The following CDCP2 variants were observed in gnomAD, a reference collection of about 807,000 sequenced individuals.
The protein encoded by CDCP2 is CUB domain-containing protein 2.
In CDCP2, 31 loss-of-function variants were observed where a neutral mutation model predicts 31.0. The observed-to-expected ratio is 1.00, with a 90% CI of 0.75 to 1.35. CDCP2 has a LOEUF of 1.35. Ranked by LOEUF, CDCP2 falls within the 40% of genes most tolerant of loss-of-function variation. The probability of loss-of-function intolerance (pLI) is 0.00; values close to 1 mark genes in which losing one functional copy is unlikely to be tolerated. For synonymous variants in CDCP2, 206 were observed against 207.9 expected, an observed-to-expected ratio of 0.99 and a Z score of 0.08; for missense variants, 443 against 482.6, an observed-to-expected ratio of 0.92 and a Z score of 0.77.
intron 5 of CDCP2, among the ~76,000 whole-genome samples, chr1:54,135,753 G>A (rs917936295): frequency 6.6e-6 from 1 of 152,168 alleles, no homozygotes; most frequent in Non-Finnish European, 1.5e-5. Context: ...AAAGGATGGT[G>A]GTTGCCAGGA....
intron 4 of CDCP2, chr1:54,138,957 C>G (rs1475437225): frequency 3.2e-5 from 5 of 154,072 alleles, no homozygotes; most frequent in African/African-American, 1.2e-4. Flanking sequence ...AATGGTGGAC[C>G]CTCTTGGTTG....
Position 54,144,238 on chromosome 1 carries a change from C to G in CDCP2, c.427+228G>C, listed in dbSNP as rs1659421260. 5.9e-6 allele frequency: 3 copies of G among 506,796 alleles called. No homozygotes were observed. In the East Asian group the frequency reaches 1.0e-4, roughly 17 times the overall value. The allele number at this position is 506,796 out of a possible 1,614,324, so 31.4% of individuals were successfully genotyped here. A position where few individuals can be genotyped will look rare whatever the true frequency, so the allele number is the denominator to read the frequency against. The stretch of plus-strand genomic sequence containing the variant: ...TTGCCTTATAAACTATGCATGAGAG[C>G]TGGGTCCTGCAGGTTACAGAGCAGC... On this transcript the variant is annotated intron_variant, in intron 2 of 5. Transcript: ENST00000530059.
exon 5 of CDCP2, chr1:54,136,738 C>T (rs559271151): frequency 1.8e-4 from 73 of 399,132 alleles, no homozygotes; most frequent in South Asian, 1.4e-3. Context: ...TCCGCTCCAG[C>T]GGGGCCAGCG....
intron 1 of CDCP2, among the ~76,000 whole-genome samples, chr1:54,150,564 CAGCCTGG>C (rs953770836): frequency 2.0e-5 from 3 of 151,816 alleles, no homozygotes; most frequent in African/African-American, 7.3e-5. Flanking sequence ...CACTGCACTC[CAGCCTGG>C]GTGAGACAGA....
chr1:54,140,120 G>A lies in CDCP2; in HGVS notation c.764-14C>T. The A allele has an allele frequency of 6.2e-7, 1 of 1,610,928 alleles. No homozygotes were observed. The highest frequency in any genetic ancestry group is 8.5e-7 in the Non-Finnish European group (1 of 1,178,060). On this transcript the variant is annotated splice_polypyrimidine_tract_variant and intron_variant, in intron 3 of 5. Transcript: ENST00000530059. ...CCTGGCATTCTCCTGGATGGGGGAT[G>A]GGGAGGTGGAAGGAGCAACAGTGAG...
intron 1 of CDCP2, among the ~76,000 whole-genome samples, chr1:54,146,400 G>A (rs1057294933): frequency 1.3e-5 from 2 of 151,714 alleles, no homozygotes; most frequent in Non-Finnish European, 2.9e-5. Context: ...GGCTGGTCTC[G>A]AACTCCTGAC....
intron 1 of CDCP2, 106 bp from the exon 2 acceptor site, chr1:54,144,919 G>A: frequency 1.4e-6 from 1 of 733,436 alleles, no homozygotes. Context: ...GATGGGATGA[G>A]GGAACACATG....
intron 4 of CDCP2, chr1:54,137,663 ATGTGTGTGTGTGTGTGTGTGCGTG>A (rs1402040431): frequency 6.9e-6 from 1 of 144,854 alleles, no homozygotes; most frequent in African/African-American, 2.6e-5. Flanking sequence ...TTGGGTGAGC[ATGTGTGTGTGTGTGTGTGTGCGTG>A]TGTGTGTGTG....
chr1:54,136,233 C>T (rs1417053676), intron 5 of CDCP2, among the ~76,000 whole-genome samples: 3 of 152,120 alleles, frequency 2.0e-5, no homozygotes, highest in Admixed American at 6.5e-5. Context: ...CTTCAGGGTC[C>T]TTGGGGAGCA....
At chr1:54,144,625 T>C (rs758599211) in exon 2 of CDCP2, 1 of 1,614,012 alleles carries the variant, frequency 6.2e-7, no homozygotes, top group African/African-American at 1.3e-5. Context: ...CCATTGTAGA[T>C]CTCCAGAAAG....
chr1:54,143,979 C>T (rs599597), intron 2 of CDCP2: 129,265 of 152,578 alleles, frequency 0.85, 54,914 homozygotes, highest in Admixed American at 0.91. Context: ...ATTCCCAAGC[C>T]GTGAAGTGGT....
chr1:54,139,818 A>C (rs1031755593), exon 4 of CDCP2: 2 of 1,614,164 alleles, frequency 1.2e-6, no homozygotes, highest in Non-Finnish European at 1.7e-6. Flanking sequence ...CAGAAGCAGA[A>C]GCTGGTTGTG....
At chr1:54,149,518 A>T (rs558442872) in intron 1 of CDCP2, among the ~76,000 whole-genome samples, 1 of 152,314 alleles carries the variant, frequency 6.6e-6, no homozygotes, top group South Asian at 2.1e-4. Context: ...GAAATTTTTC[A>T]TAATTAAAAG....
chr1:54,147,667 G>A (rs543761168), intron 1 of CDCP2, among the ~76,000 whole-genome samples: 8 of 151,648 alleles, frequency 5.3e-5, no homozygotes, highest in African/African-American at 1.2e-4. Flanking sequence ...GTGCCCGGCC[G>A]GGAAAACTTA....
At chr1:54,151,168 C>G (rs1448230717) in intron 1 of CDCP2, among the ~76,000 whole-genome samples, 1 of 152,134 alleles carries the variant, frequency 6.6e-6, no homozygotes, top group Non-Finnish European at 1.5e-5. Flanking sequence ...ATGGCATAGA[C>G]AAAGGCCCAG....
chr1:54,151,595 C>T (rs979332043), intron 1 of CDCP2, among the ~76,000 whole-genome samples: 1 of 152,168 alleles, frequency 6.6e-6, no homozygotes, highest in African/African-American at 2.4e-5. Flanking sequence ...GAAAAGCTAC[C>T]TCCTCCCACC....
chr1:54,140,340 T>C (rs1659344327), intron 3 of CDCP2: 1 of 577,684 alleles, frequency 1.7e-6, no homozygotes, highest in South Asian at 2.0e-5. Flanking sequence ...TGCATTCCAG[T>C]TGACAGTCCC....
At chr1:54,136,396 A>G (rs1158341581) in intron 5 of CDCP2, among the ~76,000 whole-genome samples, 1 of 152,156 alleles carries the variant, frequency 6.6e-6, no homozygotes, top group Non-Finnish European at 1.5e-5. Flanking sequence ...AGAGAAAAGG[A>G]AGAGAGCTGG....
chr1:54,138,867 T>G (rs1459380768), intron 4 of CDCP2: 1 of 152,478 alleles, frequency 6.6e-6, no homozygotes, highest in Non-Finnish European at 1.5e-5. Context: ...GAGCTTTGCT[T>G]GGCCAGGAAG....
Sources: allele counts gnomAD v4.1 joint callset (sites outside exome capture counted in the v4.1 genomes callset), GRCh38; gene constraint gnomAD v4.1.1; transcripts MANE v1.5; gene names NCBI Gene and HGNC (gene_info 2026-07-23, HGNC 2026-07-21).